The following AHCTF1 variants were observed in gnomAD, a reference collection of about 807,000 sequenced individuals.
AHCTF1 encodes AT-hook containing transcription factor 1.
In AHCTF1, 24 loss-of-function variants were observed where a neutral mutation model predicts 248.4. The observed-to-expected ratio is 0.10, with a 90% CI of 0.07 to 0.14. The LOEUF (loss-of-function observed/expected upper bound fraction) is 0.14. Ranked by LOEUF, AHCTF1 falls within the 10% of genes least tolerant of loss-of-function variation. The pLI is 1.00. For missense variants in AHCTF1, 2,206 were observed against 2,636.2 expected, an observed-to-expected ratio of 0.84 and a Z score of 3.57; for synonymous variants, 786 against 929.8, an observed-to-expected ratio of 0.85 and a Z score of 2.81.
At chr1:246,930,257 C>T (rs1667250821) in intron 1 of AHCTF1, among the ~76,000 whole-genome samples, 1 of 152,000 alleles carries the variant, frequency 6.6e-6, no homozygotes, top group Admixed American at 6.6e-5. Flanking sequence ...CAAACGTTCC[C>T]CCCGCCTCAG....
At chr1:246,915,824 T>C (rs992581064) in intron 3 of AHCTF1, among the ~76,000 whole-genome samples, 5 of 152,272 alleles carry the variant, frequency 3.3e-5, no homozygotes, top group African/African-American at 1.2e-4. Flanking sequence ...AGAACACAAC[T>C]GGAGATAAGA....
intron 1 of AHCTF1, chr1:246,931,134 C>A (rs1029678799): frequency 6.5e-7 from 1 of 1,550,034 alleles, no homozygotes; most frequent in South Asian, 1.2e-5. Context: ...CTCACTGTGG[C>A]CAGGCCCAAG....
At position 246,923,108 on chromosome 1, in the gene AHCTF1, CAAAA is replaced by C. The variant is rs34474643; in HGVS notation, c.-7-4735_-7-4732del. Among the ~76,000 whole-genome samples, 783 of 111,884 alleles carry C rather than the reference CAAAA, an allele frequency of 7.0e-3. 14 individuals carry two copies. The highest frequency in any genetic ancestry group is 0.048 in the Admixed American group (527 of 11,062). The allele number at this position is 111,884 out of a possible 152,430, so 73.4% of individuals were successfully genotyped here. On this transcript the variant is annotated intron_variant, in intron 1 of 35. Transcript: ENST00000648844. The stretch of plus-strand genomic sequence containing the variant: ...AAGAAGTTATTTAATCAAATAATAC[CAAAA>C]AAAAAAAAAAAAAAAAGATAGGCTG...
intron 1 of AHCTF1, among the ~76,000 whole-genome samples, chr1:246,922,433 GTT>G (rs914987571): frequency 1.4e-5 from 2 of 141,196 alleles, no homozygotes; most frequent in African/African-American, 5.3e-5. Context: ...TTTTTGGGTT[GTT>G]TTTTTTTTTT....
intron 29 of AHCTF1, among the ~76,000 whole-genome samples, chr1:246,858,549 G>A (rs1661276666): frequency 6.6e-6 from 1 of 152,040 alleles, no homozygotes; most frequent in African/African-American, 2.4e-5. Context: ...AAGATTTCTG[G>A]CCAGGCACGG....
intron 1 of AHCTF1, among the ~76,000 whole-genome samples, chr1:246,924,167 C>T (rs1453781696): frequency 6.6e-6 from 1 of 152,148 alleles, no homozygotes; most frequent in Non-Finnish European, 1.5e-5. Flanking sequence ...GGTAAAATAA[C>T]AGGATAACAG....
chr1:246,906,840 G>T (rs1014580678), intron 5 of AHCTF1, among the ~76,000 whole-genome samples: 4 of 152,118 alleles, frequency 2.6e-5, no homozygotes, highest in African/African-American at 9.7e-5. Flanking sequence ...CAAGTATTTT[G>T]TAACTTTGAT....
chr1:246,841,067 C>A, intron 35 of AHCTF1, 69 bp from the exon 36 acceptor site: 1 of 1,399,846 alleles, frequency 7.1e-7, no homozygotes, highest in Non-Finnish European at 9.6e-7. Flanking sequence ...GGCTTCCCAA[C>A]ATGTTGAGAA....
chr1:246,913,988 T>C (rs1000405711), intron 3 of AHCTF1, among the ~76,000 whole-genome samples: 2 of 152,198 alleles, frequency 1.3e-5, no homozygotes, highest in African/African-American at 4.8e-5. Context: ...AGGTCTAACC[T>C]TCTTTCTATT....
At chr1:246,925,890 C>T (rs563054154) in intron 1 of AHCTF1, among the ~76,000 whole-genome samples, 1 of 151,944 alleles carries the variant, frequency 6.6e-6, no homozygotes, top group African/African-American at 2.4e-5. Context: ...GGCCACATGG[C>T]GAAATCTCAT....
At chr1:246,893,854 T>C (rs1664383179) in intron 14 of AHCTF1, among the ~76,000 whole-genome samples, 1 of 152,226 alleles carries the variant, frequency 6.6e-6, no homozygotes, top group Non-Finnish European at 1.5e-5. Context: ...AAACCTGCTA[T>C]TGTAGGCATA....
intron 8 of AHCTF1, among the ~76,000 whole-genome samples, chr1:246,902,295 C>T (rs1317592892): frequency 6.6e-6 from 1 of 152,052 alleles, no homozygotes; most frequent in African/African-American, 2.4e-5. Context: ...GTTTTGAGAA[C>T]TAGATTAAAA....
chr1:246,878,926 G>C (rs1663189949), intron 21 of AHCTF1, among the ~76,000 whole-genome samples: 1 of 152,148 alleles, frequency 6.6e-6, no homozygotes, highest in Admixed American at 6.5e-5. Context: ...ATTGTAACTT[G>C]GGTGTAGAAG....
In AHCTF1 at chr1:246,864,107, A is replaced by G. The variant is rs916694769; in HGVS notation, c.3357T>C (p.Asp1119=). 2.5e-6 allele frequency: 4 copies of G among 1,613,062 alleles called. No individual in the cohort carries two copies. The highest frequency in any genetic ancestry group is 3.4e-6 in the Non-Finnish European group (4 of 1,179,700). The change falls in exon 27 of 36, where the codon GAT becomes GAC. Residue 1119 remains aspartate (D), a synonymous_variant. Coordinates refer to ENST00000648844, the MANE Select transcript of AHCTF1 (RefSeq NM_001323342.2). ...KASQKISRLL[D]LVVQPVPRPS... is the part of the protein sequence containing the mutation. The stretch of plus-strand genomic sequence containing the variant: ...GCCGGGGGACAGGCTGAACAACCAA[A>G]TCTAGCAGTCTGTAATCAGAATGCG...
chr1:246,891,838 C>T lies in AHCTF1; in HGVS notation c.1886G>A (p.Ser629Asn), dbSNP rs200147070. 9.6e-5 allele frequency: 154 copies of T among 1,607,580 alleles called. No homozygotes were observed. The highest frequency in any genetic ancestry group is 1.2e-4 in the Non-Finnish European group (137 of 1,178,070). Residue 629 changes from serine (S) to asparagine (N), a missense_variant, in exon 15 of 36, where the codon AGC becomes AAC. Ser to Asn is a conservative substitution (Grantham distance 46). Around this residue, in one of 6 missense-constraint regions of AHCTF1, gnomAD observed 650 missense variants for 870.8 expected, o/e 0.75. Transcript: ENST00000648844. ...QSIQQCYLLL[S>N]NLNIVLSCFA... The stretch of plus-strand genomic sequence containing the variant: ...ACAGCTCAAGACTATATTAAGATTG[C>T]TAAGAAGCAAATAGCATTGCTGGAT...
chr1:246,888,403 A>G lies in AHCTF1; in HGVS notation c.2259T>C (p.Ala753=), dbSNP rs751119655. 6 of 1,612,816 alleles carry G rather than the reference A, an allele frequency of 3.7e-6. No individual in the cohort carries two copies. The Admixed American group carries it at 1.0e-4, about 27-fold the overall frequency. The change falls in exon 18 of 36, where the codon GCT becomes GCC. Residue 753 remains alanine (A), a synonymous_variant. Coordinates refer to ENST00000648844, the MANE Select transcript of AHCTF1 (RefSeq NM_001323342.2). ...DEGGTGKYPP[A]SLHAVLDMYL... ...ATTACTGCAAACCTACATGCAGACTAGCAGGAGGATATTTTCCTGTGCCTC... is the reference window on the plus strand; with the variant it reads ...ATTACTGCAAACCTACATGCAGACTGGCAGGAGGATATTTTCCTGTGCCTC...
At chr1:246,852,599 G>A (rs1660793424) in intron 32 of AHCTF1, among the ~76,000 whole-genome samples, 1 of 152,046 alleles carries the variant, frequency 6.6e-6, no homozygotes, top group African/African-American at 2.4e-5. Flanking sequence ...GCATGGGGCG[G>A]GGGTGTCAAT....
In AHCTF1 at chr1:246,861,203, G is replaced by A. The variant is rs146464504; in HGVS notation, c.3828C>T (p.Thr1276=). ...ETEWLKSKDR[T]TSFFLNSPEK... ...CAGGGCTGTTCAGGAAAAAAGATGT[G>A]GTCCTATCTTTGCTCTTCAGCCATT... The change falls in exon 29 of 36, where the codon ACC becomes ACT. Residue 1276 remains threonine (T), a synonymous_variant. Coordinates refer to ENST00000648844, the MANE Select transcript of AHCTF1 (RefSeq NM_001323342.2). 946 of 1,613,510 alleles carry A rather than the reference G, an allele frequency of 5.9e-4. 7 individuals carry two copies. The African/African-American group carries it at 0.012, about 20-fold the overall frequency.
rs368370413 is a variant in AHCTF1 at position 246,851,107 on chromosome 1, A to G, written c.4899T>C (p.Asp1633=). The G allele has an allele frequency of 5.6e-6, 9 of 1,613,820 alleles. No individual in the cohort carries two copies. The African/African-American group carries it at 1.1e-4, about 19-fold the overall frequency. ...EEKLVCSGEN[D]NHGQIANLPS... Reference sequence around the variant, plus strand: ...GCAAATTTGCAATTTGTCCATGATTATCATTTTCCCCACTGCATACAAGTT... The same window carrying G: ...GCAAATTTGCAATTTGTCCATGATTGTCATTTTCCCCACTGCATACAAGTT... Residue 1633 remains aspartate, a synonymous_variant, in exon 33 of 36, where the codon GAT becomes GAC. Transcript: ENST00000648844.
Sources: gnomAD v4.1 joint callset for allele counts (sites outside exome capture counted in the v4.1 genomes callset) on GRCh38, gnomAD v4.1.1 for gene constraint, gnomAD v4.1.1 regional missense constraint, MANE v1.5 for transcripts, NCBI Gene and HGNC (gene_info 2026-07-23, HGNC 2026-07-21) for gene names.